The following WDFY3 variants were observed in gnomAD, a reference collection of about 807,000 sequenced individuals.
WDFY3 encodes the protein WD repeat and FYVE domain-containing protein 3.
A neutral mutation model predicts 409.6 loss-of-function variants in WDFY3; 66 were observed. The observed-to-expected ratio is 0.16, with a 90% confidence interval of 0.13 to 0.20. The LOEUF (loss-of-function observed/expected upper bound fraction) is 0.20, where lower values mean the gene tolerates loss of function less well. Among genes scored for constraint, WDFY3 ranks in the 10% least tolerant of loss-of-function variants. The probability of loss-of-function intolerance (pLI) is 1.00; values close to 1 mark genes in which losing one functional copy is unlikely to be tolerated. For missense variants in WDFY3, 3,031 were observed against 4,298.1 expected, an observed-to-expected ratio of 0.71 and a Z score of 8.24; for synonymous variants, 1,521 against 1,537.1, an observed-to-expected ratio of 0.99 and a Z score of 0.25.
At chr4:84,847,961 A>G (rs1189377144) in intron 5 of WDFY3, among the ~76,000 whole-genome samples, 1 of 151,702 alleles carries the variant, frequency 6.6e-6, no homozygotes, top group Non-Finnish European at 1.5e-5. Context: ...GAAGAGATAG[A>G]TGATAAAATT....
At chr4:84,693,564 A>C (rs2148870690) in intron 58 of WDFY3, among the ~76,000 whole-genome samples, 1 of 152,322 alleles carries the variant, frequency 6.6e-6, no homozygotes, top group African/African-American at 2.4e-5. Flanking sequence ...AAAAGAAAAC[A>C]AAAATGTGCT....
At chr4:84,704,314 A>G (rs1185438364) in intron 55 of WDFY3, 24 bp downstream of exon 55, 4 of 1,540,850 alleles carry the variant, frequency 2.6e-6, no homozygotes, top group Non-Finnish European at 3.5e-6. Flanking sequence ...ATAAAATAGA[A>G]AAACCCCAAA....
chr4:84,938,190 C>T (rs923654939), intron 1 of WDFY3, among the ~76,000 whole-genome samples: 5 of 152,064 alleles, frequency 3.3e-5, no homozygotes, highest in Admixed American at 2.6e-4. Context: ...ACATAGCAGG[C>T]ATCCAATTAA....
chr4:84,803,194 A>C, intron 16 of WDFY3, 96 bp downstream of exon 16: 1 of 1,317,532 alleles, frequency 7.6e-7, no homozygotes, highest in African/African-American at 1.5e-5. Context: ...ATGTAATATT[A>C]ACTTTCTTCC....
chr4:84,706,550 A>G (rs1419011346), intron 53 of WDFY3, among the ~76,000 whole-genome samples: 4 of 111,708 alleles, frequency 3.6e-5, no homozygotes, highest in African/African-American at 2.0e-4. Context: ...AAAATGGTGA[A>G]AAAAAAAAAA....
At chr4:84,715,824 A>G (rs1201419643) in intron 49 of WDFY3, among the ~76,000 whole-genome samples, 2 of 150,736 alleles carry the variant, frequency 1.3e-5, no homozygotes, top group African/African-American at 2.4e-5. Flanking sequence ...ACACTTTTAG[A>G]GTCATGAATT....
intron 32 of WDFY3, among the ~76,000 whole-genome samples, chr4:84,758,836 T>G (rs1038713248): frequency 1.3e-5 from 2 of 152,238 alleles, no homozygotes; most frequent in Non-Finnish European, 2.9e-5. Flanking sequence ...AAAACATGAT[T>G]TGTTCAAAGT....
Position 84,715,398 on chromosome 4 carries a change from G to C in WDFY3, c.7876-15C>G. 1 of 1,413,902 alleles carries C rather than the reference G, an allele frequency of 7.1e-7. No homozygotes were observed. 87.6% of individuals were successfully genotyped at this position (1,413,902 alleles called of 1,614,324 possible). ...ACAGCAATAGGCTGAAATGATCAGA[G>C]AGAAAAACATTAAGAAAAAACAGAA... is the stretch of plus-strand genomic sequence containing the variant. On this transcript the variant is annotated splice_polypyrimidine_tract_variant and intron_variant, in intron 49 of 67. Transcript: ENST00000295888.
At chr4:84,782,565 A>G (rs556202010) in intron 25 of WDFY3, among the ~76,000 whole-genome samples, 1 of 152,162 alleles carries the variant, frequency 6.6e-6, no homozygotes, top group East Asian at 1.9e-4. Context: ...AGGCCCTGGT[A>G]TGTGATGTTC....
chr4:84,823,336 T>A (rs1279295068), intron 10 of WDFY3, among the ~76,000 whole-genome samples: 1 of 151,940 alleles, frequency 6.6e-6, no homozygotes, highest in African/African-American at 2.4e-5. Context: ...TATGAAACAC[T>A]GGATAAAGAA....
chr4:84,904,734 T>C (rs1766800699), intron 2 of WDFY3, among the ~76,000 whole-genome samples: 1 of 152,216 alleles, frequency 6.6e-6, no homozygotes, highest in Admixed American at 6.5e-5. Flanking sequence ...AAAGCTCTTA[T>C]TCACTCTACA....
intron 2 of WDFY3, among the ~76,000 whole-genome samples, chr4:84,920,967 G>A (rs1653503529): frequency 6.6e-6 from 1 of 151,934 alleles, no homozygotes; most frequent in Non-Finnish European, 1.5e-5. Flanking sequence ...TCTACACACT[G>A]CTACAGAGTG....
intron 14 of WDFY3, 80 bp downstream of exon 14, chr4:84,809,807 T>C (rs1196548838): frequency 3.1e-6 from 4 of 1,280,944 alleles, no homozygotes; most frequent in Non-Finnish European, 4.3e-6. Context: ...TTCTTTTGGA[T>C]TAACTCATAA....
Position 84,821,125 on chromosome 4 carries a change from G to A in WDFY3, c.1550C>T (p.Ala517Val). 1 of 1,613,318 alleles carries A rather than the reference G, an allele frequency of 6.2e-7. No individual in the cohort carries two copies. The highest frequency in any genetic ancestry group is 8.5e-7 in the Non-Finnish European group (1 of 1,179,658). The part of the protein sequence containing the change: ...EVMVNLLHKY[A>V]ALLKDPTQAL... ...CTGAGTTGGATCCTTCAACAGGGCA[G>A]CATATTTATGCAAAAGGTTTACCAT... is the stretch of plus-strand genomic sequence containing the variant. The change falls in exon 11 of 68, where the codon GCT (alanine) becomes GTT (valine). Residue 517 changes from alanine (A) to valine (V), a missense_variant. Physicochemically the swap from Ala to Val is moderately conservative, Grantham distance 64. Coordinates refer to ENST00000295888, the MANE Select transcript of WDFY3 (RefSeq NM_014991.6).
At chr4:84,824,315 A>G (rs1000951512) in intron 10 of WDFY3, among the ~76,000 whole-genome samples, 1 of 152,168 alleles carries the variant, frequency 6.6e-6, no homozygotes, top group African/African-American at 2.4e-5. Flanking sequence ...GTTATATTTT[A>G]CTATTATTGT....
intron 62 of WDFY3, among the ~76,000 whole-genome samples, chr4:84,687,287 G>C (rs1201897987): frequency 6.6e-6 from 1 of 152,026 alleles, no homozygotes; most frequent in Non-Finnish European, 1.5e-5. Flanking sequence ...GGGATTAAAG[G>C]CACCCACCAC....
chr4:84,766,344 TACA>T lies in WDFY3; in HGVS notation c.4875_4877del (p.Val1626del), dbSNP rs1743633663. On this transcript the variant is annotated inframe_deletion, in exon 31 of 68. Transcript: ENST00000295888. ...TCCTCAAAAGTATAAGATTAGCTGA[TACA>T]AGACCTCCAAACTCCTCTTCAGTTC... is the stretch of plus-strand genomic sequence containing the variant. 6.2e-7 allele frequency: 1 copy of T among 1,601,958 alleles called. No individual in the cohort carries two copies. The highest frequency in any genetic ancestry group is 8.5e-7 in the Non-Finnish European group (1 of 1,176,596).
rs529385687 is a variant in WDFY3, at chr4:84,680,383, G to A, written c.9824-1141C>T. ...TAGCTCACTGCAGCCTCAACCTCCT[G>A]AGCCCAGGGAATCTGCCCGCCTCAG... On this transcript the variant is annotated intron_variant, in intron 64 of 67. Coordinates refer to ENST00000295888, the MANE Select transcript of WDFY3 (RefSeq NM_014991.6). 6.5e-4 allele frequency among the ~76,000 whole-genome samples: 99 copies of A among 152,272 alleles called. 1 individual carries two copies. The highest frequency in any genetic ancestry group is 5.4e-3 in the Admixed American group (83 of 15,300).
intron 3 of WDFY3, among the ~76,000 whole-genome samples, chr4:84,862,002 A>T (rs1760712825): frequency 6.6e-6 from 1 of 152,228 alleles, no homozygotes; most frequent in Non-Finnish European, 1.5e-5. Context: ...TTAATTTTTA[A>T]TTTTGCTACA....
Sources: allele counts gnomAD v4.1 joint callset (sites outside exome capture counted in the v4.1 genomes callset), GRCh38; gene constraint gnomAD v4.1.1; transcripts MANE v1.5; gene names NCBI Gene and HGNC (gene_info 2026-07-23, HGNC 2026-07-21).